The following MYH9 variants were observed in gnomAD, a reference collection of about 807,000 sequenced individuals.
MYH9 encodes myosin-9.
Under a neutral mutation model 241.9 loss-of-function variants are expected in MYH9, and 29 were observed. The observed-to-expected ratio is 0.12, with a 90% CI of 0.09 to 0.16. The LOEUF (loss-of-function observed/expected upper bound fraction) is 0.16, where lower values mean the gene tolerates loss of function less well. MYH9 is among the 10% of genes least tolerant of loss of function. The probability of loss-of-function intolerance (pLI) is 1.00; values close to 1 mark genes in which losing one functional copy is unlikely to be tolerated. For synonymous variants in MYH9, 1,047 were observed against 1,062.6 expected (o/e 0.99, Z 0.29); for missense variants, 1,803 against 2,595.5 (o/e 0.69, Z 6.63).
At chr22:36,355,020 C>T (rs900305141) in intron 1 of MYH9, among the ~76,000 whole-genome samples, 2 of 137,454 alleles carry the variant, frequency 1.5e-5, no homozygotes, top group African/African-American at 5.3e-5. Flanking sequence ...ATCTCCGTGG[C>T]TCAGAAAGTC....
In MYH9 at chr22:36,318,275, T is replaced by C; in HGVS notation, c.1159A>G (p.Arg387Gly). Residue 387 changes from arginine (R) to glycine (G), a missense_variant, in exon 11 of 41, where the codon AGA becomes GGA. By Grantham distance (125) the Arg-to-Gly change is moderately radical. Around this residue, in one of 11 missense-constraint regions of MYH9, gnomAD observed 222 missense variants for 359.9 expected, o/e 0.62. Transcript: ENST00000216181. Reference sequence around the variant, plus strand: ...TTGATGCGCGGGGTGAGGATTCCTCTGGTGAAATCGGTCACATTGATACCC... The same window carrying C: ...TTGATGCGCGGGGTGAGGATTCCTCCGGTGAAATCGGTCACATTGATACCC... ...LLGINVTDFTRGILTPRIKVG... is the reference protein window; with the variant it reads ...LLGINVTDFTGGILTPRIKVG... The C allele has an allele frequency of 1.2e-6, 2 of 1,614,212 alleles. No individual in the cohort carries two copies. The highest frequency in any genetic ancestry group is 1.7e-6 in the Non-Finnish European group (2 of 1,180,038).
rs118078700 is a variant in MYH9, at chr22:36,333,173, G to A, written c.491-5685C>T. 7.9e-3 allele frequency among the ~76,000 whole-genome samples: 1,201 copies of A among 152,342 alleles called. 10 individuals carry two copies. The highest frequency in any genetic ancestry group is 0.031 in the Middle Eastern group (9 of 294). On this transcript the variant is annotated intron_variant, in intron 3 of 40. Coordinates refer to ENST00000216181, the MANE Select transcript of MYH9 (RefSeq NM_002473.6). The stretch of plus-strand genomic sequence containing the variant: ...TCAGCTCCCTGTTGGAGCACAAACA[G>A]GCCTGCAAAGACAGCAACCAGCTTT...
At position 36,305,646 on chromosome 22, in the gene MYH9, C is replaced by T. The variant is rs1411824692; in HGVS notation, c.2159+284G>A. On this transcript the variant is annotated intron_variant, in intron 17 of 40. Transcript: ENST00000216181. This position sits in a 1 kb window ranked among gnomAD's most constrained non-coding sequence, Gnocchi z 4.7. ...GATTCTTTTACATTTCTTTTCATAG[C>T]TCCTCTAACTGTAGCAAATAGCACC... Among the ~76,000 whole-genome samples the T allele has an allele frequency of 6.6e-6, 1 of 152,206 alleles. No homozygotes were observed. Among genetic ancestry groups the T allele is most frequent in the African/African-American group, 2.4e-5 (1 of 41,452 alleles).
chr22:36,367,334 G>A (rs2018026053), intron 1 of MYH9, among the ~76,000 whole-genome samples: 1 of 152,094 alleles, frequency 6.6e-6, no homozygotes, highest in African/African-American at 2.4e-5. Context: ...GGAACAAGAA[G>A]CCCAAAACTG....
At chr22:36,325,154 G>A (rs2017315192) in intron 5 of MYH9, 2 of 751,948 alleles carry the variant, frequency 2.7e-6, no homozygotes, top group Admixed American at 1.8e-5. Context: ...GGGGTAGGGA[G>A]GGAGAGAGGG....
rs754538750 is a variant in MYH9, at chr22:36,300,285, G to A, written c.2839-21C>T. 15 of 1,611,286 alleles carry A rather than the reference G, an allele frequency of 9.3e-6. No individual in the cohort carries two copies. In the East Asian group the frequency reaches 1.6e-4, roughly 17 times the overall value. On this transcript the variant is annotated intron_variant, in intron 22 of 40. Coordinates refer to ENST00000216181, the MANE Select transcript of MYH9 (RefSeq NM_002473.6). The surrounding 1 kb of genome is among the most constrained non-coding windows in gnomAD (Gnocchi z 5.0). ...AGCTCCTGCCGGGGGCCAGAGACAC[G>A]GTAAGGACAGCAGGCCCAGAGGCAT...
intron 1 of MYH9, among the ~76,000 whole-genome samples, chr22:36,367,642 G>T (rs1444886601): frequency 2.0e-5 from 3 of 152,148 alleles, no homozygotes. Flanking sequence ...CAGCCTGGCC[G>T]GCAGGATGAC....
chr22:36,285,417 C>T lies in MYH9; in HGVS notation c.5275-88G>A. 3.5e-6 allele frequency: 5 copies of T among 1,438,860 alleles called. No individual in the cohort carries two copies. The highest frequency in any genetic ancestry group is 3.9e-6 in the Non-Finnish European group (4 of 1,034,810). 89.1% of individuals were successfully genotyped at this position (1,438,860 alleles called of 1,614,324 possible). On this transcript the variant is annotated intron_variant, in intron 37 of 40. Transcript: ENST00000216181. The surrounding 1 kb of genome is among the most constrained non-coding windows in gnomAD (Gnocchi z 7.0). ...GGCCAGAGGAAGGTGGCAGCAGGAT[C>T]CCACCAAACCCTTGGGGTCCAGAGT... is the stretch of plus-strand genomic sequence containing the variant.
At chr22:36,362,822 C>T (rs764234066) in intron 1 of MYH9, among the ~76,000 whole-genome samples, 6 of 152,252 alleles carry the variant, frequency 3.9e-5, no homozygotes, top group Non-Finnish European at 8.8e-5. Context: ...TGAGCCAGGG[C>T]AGAAAGCAGC....
In MYH9 at chr22:36,296,298, G is replaced by A. The variant is rs1185582561; in HGVS notation, c.3272+545C>T. ...CACCTAGGCTGGAGTGCAATGGCACGATCTTGGCTGACTGCAACCTCTGCC... is the reference window on the plus strand; with the variant it reads ...CACCTAGGCTGGAGTGCAATGGCACAATCTTGGCTGACTGCAACCTCTGCC... On this transcript the variant is annotated intron_variant, in intron 25 of 40. Transcript: ENST00000216181. Among the ~76,000 whole-genome samples the A allele has an allele frequency of 2.6e-5, 4 of 152,006 alleles. No homozygotes were observed. In the East Asian group the frequency reaches 7.7e-4, roughly 29 times the overall value.
chr22:36,334,368 T>C (rs1196663891), intron 3 of MYH9, among the ~76,000 whole-genome samples: 1 of 152,162 alleles, frequency 6.6e-6, no homozygotes, highest in Non-Finnish European at 1.5e-5. Context: ...TCCACCAGCA[T>C]CCCAGGGAAC....
chr22:36,306,674 GGAGA>G lies in MYH9; in HGVS notation c.1844-71_1844-68del, dbSNP rs1256316012. On this transcript the variant is annotated intron_variant, in intron 15 of 40. Transcript: ENST00000216181. The surrounding 1 kb of genome is among the most constrained non-coding windows in gnomAD (Gnocchi z 4.1). Reference sequence around the variant, plus strand: ...CAGCTGGGTGGTGGGGGAGCACGTAGGAGAGAGAGACAGGCACACGTCGGACAGG... The same window carrying G: ...CAGCTGGGTGGTGGGGGAGCACGTAGGAGAGACAGGCACACGTCGGACAGG... 3.4e-5 allele frequency: 50 copies of G among 1,473,024 alleles called. No homozygotes were observed. Among genetic ancestry groups the G allele is most frequent in the Middle Eastern group, 2.0e-4 (1 of 4,922 alleles). 91.2% of individuals were successfully genotyped at this position (1,473,024 alleles called of 1,614,324 possible). A position where few individuals can be genotyped will look rare whatever the true frequency, so the allele number is the denominator to read the frequency against.
At chr22:36,324,964 G>C (rs917698496) in intron 5 of MYH9, 2 of 686,284 alleles carry the variant, frequency 2.9e-6, no homozygotes, top group Non-Finnish European at 5.4e-6. Flanking sequence ...CCTGTCTCCT[G>C]TCTTTCAGGA....
intron 1 of MYH9, among the ~76,000 whole-genome samples, chr22:36,381,915 A>G (rs899716321): frequency 6.6e-6 from 1 of 152,192 alleles, no homozygotes; most frequent in Non-Finnish European, 1.5e-5. Flanking sequence ...TTTATCTGTG[A>G]GATGAATTCC....
intron 1 of MYH9, among the ~76,000 whole-genome samples, chr22:36,358,875 C>T (rs2017895672): frequency 6.6e-6 from 1 of 152,192 alleles, no homozygotes; most frequent in Admixed American, 6.5e-5. Flanking sequence ...AGCTCCACAC[C>T]TTCACCAGAA....
intron 1 of MYH9, among the ~76,000 whole-genome samples, chr22:36,349,912 AG>A (rs2017739154): frequency 6.6e-6 from 1 of 152,272 alleles, no homozygotes; most frequent in South Asian, 2.1e-4. Flanking sequence ...CAACAAAAAC[AG>A]GTTTCTAATC....
chr22:36,370,738 T>TGGGAGCA (rs1302346156), intron 1 of MYH9, among the ~76,000 whole-genome samples: 4 of 152,006 alleles, frequency 2.6e-5, no homozygotes, highest in Non-Finnish European at 4.4e-5. Context: ...GCCTGGGAGC[T>TGGGAGCA]GGGAGCAGCC....
rs141698399 is a variant in MYH9 at position 36,307,342 on chromosome 22, T to C, written c.1844-735A>G. 3.4e-3 allele frequency among the ~76,000 whole-genome samples: 518 copies of C among 152,210 alleles called. 3 individuals are homozygous for C. Among genetic ancestry groups the C allele is most frequent in the Middle Eastern group, 0.017 (5 of 294 alleles). On this transcript the variant is annotated intron_variant, in intron 15 of 40. Coordinates refer to ENST00000216181, the MANE Select transcript of MYH9 (RefSeq NM_002473.6). ...TCACACCCAGCAGCAATTAAACCAA[T>C]TGCATCCTCCAAGGTAAAAAACAAA...
chr22:36,303,786 A>G (rs2016925148), intron 19 of MYH9, among the ~76,000 whole-genome samples: 4 of 131,162 alleles, frequency 3.0e-5, no homozygotes, highest in Admixed American at 2.8e-4. Flanking sequence ...CTCCGTCTCA[A>G]AAAAAAAAAA....
Sources: allele counts gnomAD v4.1 joint callset (sites outside exome capture counted in the v4.1 genomes callset), GRCh38; gene constraint gnomAD v4.1.1; regional missense constraint gnomAD v4.1.1; non-coding constraint Gnocchi (gnomAD v3.1); transcripts MANE v1.5; gene names NCBI Gene and HGNC (gene_info 2026-07-23, HGNC 2026-07-21).